Variants in STOX2 observed in about 807,000 individuals in gnomAD.
The protein encoded by STOX2 is storkhead-box protein 2.
In STOX2, 28 loss-of-function variants were observed where a neutral mutation model predicts 60.9. The observed-to-expected ratio is 0.46, with a 90% CI of 0.34 to 0.63. STOX2 has a LOEUF of 0.63. Ranked by LOEUF, STOX2 falls within the 30% of genes least tolerant of loss-of-function variation. The pLI, the probability that STOX2 is intolerant of heterozygous loss-of-function variation, is 0.01. For missense variants in STOX2, 1,024 were observed against 1,187.7 expected, an observed-to-expected ratio of 0.86 and a Z score of 2.03; for synonymous variants, 472 against 463.9, an observed-to-expected ratio of 1.02 and a Z score of -0.22.
At chr4:183,869,356 T>C (rs1323461545) in intron 1 of STOX2, among the ~76,000 whole-genome samples, 4 of 152,166 alleles carry the variant, frequency 2.6e-5, no homozygotes, top group African/African-American at 7.2e-5. Context: ...TGCATATCAA[T>C]TGAGGGGTAG....
chr4:183,840,516 A>T (rs556960250), intron 1 of STOX2, among the ~76,000 whole-genome samples: 11 of 152,314 alleles, frequency 7.2e-5, no homozygotes, highest in Admixed American at 3.9e-4. Context: ...AATGGCAACC[A>T]GAGGTTTTCT....
chr4:183,894,621 A>C (rs1741300646), intron 1 of STOX2, among the ~76,000 whole-genome samples: 1 of 151,172 alleles, frequency 6.6e-6, no homozygotes, highest in African/African-American at 2.4e-5. Context: ...TCCCTTTTTG[A>C]TATATGATTT....
At chr4:183,830,585 G>C (rs753169793) in intron 1 of STOX2, among the ~76,000 whole-genome samples, 1 of 152,188 alleles carries the variant, frequency 6.6e-6, no homozygotes. Context: ...CCCAGGGCTG[G>C]TCTGGCCTGG....
chr4:183,886,324 G>GAGGGTGAAGGTTCAGAT (rs1276420829), intron 1 of STOX2, among the ~76,000 whole-genome samples: 10 of 148,488 alleles, frequency 6.7e-5, no homozygotes, highest in South Asian at 2.2e-4. Flanking sequence ...GCAAGATCAG[G>GAGGGTGAAGGTTCAGAT]GTCACTAGGA....
At chr4:184,006,645 G>A (rs1468992764) in intron 2 of STOX2, among the ~76,000 whole-genome samples, 1 of 126,712 alleles carries the variant, frequency 7.9e-6, no homozygotes, top group Non-Finnish European at 1.6e-5. Context: ...CTGAGATCTT[G>A]TCACTGCACT....
chr4:183,906,734 C>T lies in STOX2; in HGVS notation c.-57C>T. On this transcript the variant is annotated 5_prime_UTR_variant, in exon 1 of 4. Transcript: ENST00000308497. ...CCCGCCGTAGACGGATGAAGGAGCG[C>T]GCTGCGCCCCGGCGCTGAGGCCCCG... 6.9e-7 allele frequency: 1 copy of T among 1,443,196 alleles called. No homozygotes were observed. The highest frequency in any genetic ancestry group is 9.2e-7 in the Non-Finnish European group (1 of 1,089,424). 89.4% of individuals were successfully genotyped at this position (1,443,196 alleles called of 1,614,324 possible). A position where few individuals can be genotyped will look rare whatever the true frequency, so the allele number is the denominator to read the frequency against.
At chr4:183,986,823 T>C (rs965668504) in intron 1 of STOX2, among the ~76,000 whole-genome samples, 3 of 152,174 alleles carry the variant, frequency 2.0e-5, no homozygotes, top group Non-Finnish European at 4.4e-5. Flanking sequence ...GAGGACAGGC[T>C]GAATCACCGG....
chr4:183,800,221 G>A (rs1008992461), intron 1 of STOX2, among the ~76,000 whole-genome samples: 1 of 151,938 alleles, frequency 6.6e-6, no homozygotes, highest in Non-Finnish European at 1.5e-5. Flanking sequence ...ATCTTTTATT[G>A]GGCTTTGCAA....
At chr4:183,798,080 TC>T (rs1428469522) in intron 1 of STOX2, 3 of 1,225,258 alleles carry the variant, frequency 2.4e-6, no homozygotes, top group Non-Finnish European at 1.0e-6. Flanking sequence ...CGCGCGCCCG[TC>T]CCGTCCCTTC....
chr4:183,860,154 AT>A (rs1740398028), intron 1 of STOX2, among the ~76,000 whole-genome samples: 1 of 152,172 alleles, frequency 6.6e-6, no homozygotes, highest in African/African-American at 2.4e-5. Flanking sequence ...ATCAAAGAAA[AT>A]AACTTCTTCC....
chr4:183,951,447 T>C (rs1335002470), intron 1 of STOX2, among the ~76,000 whole-genome samples: 1,403 of 72,992 alleles, frequency 0.019, 15 homozygotes, highest in African/African-American at 0.067. Context: ...TCTCTCTCTT[T>C]TTTTTTTTTT....
chr4:183,933,360 G>A (rs749894754), intron 1 of STOX2, among the ~76,000 whole-genome samples: 8 of 151,604 alleles, frequency 5.3e-5, no homozygotes, highest in East Asian at 1.9e-4. Flanking sequence ...TGCATAAAAA[G>A]CTATACAGTA....
At chr4:183,982,090 A>G (rs1732676044) in intron 1 of STOX2, among the ~76,000 whole-genome samples, 1 of 152,244 alleles carries the variant, frequency 6.6e-6, no homozygotes, top group South Asian at 2.1e-4. Flanking sequence ...TTTTGCTAGT[A>G]AATCTTTGCA....
chr4:183,904,995 C>T (rs895219430), upstream of STOX2, among the ~76,000 whole-genome samples: 16 of 152,170 alleles, frequency 1.1e-4, no homozygotes, highest in African/African-American at 2.4e-5. Context: ...GTTGCATTGT[C>T]ACAGATGAAA....
intron 1 of STOX2, among the ~76,000 whole-genome samples, chr4:183,969,530 A>T (rs1215050225): frequency 4.6e-5 from 7 of 151,966 alleles, no homozygotes; most frequent in Non-Finnish European, 1.0e-4. Flanking sequence ...AGCCTCCCAA[A>T]GCCCTGAGAT....
chr4:183,958,435 C>A (rs1319121555), intron 1 of STOX2, among the ~76,000 whole-genome samples: 1 of 151,970 alleles, frequency 6.6e-6, no homozygotes. Flanking sequence ...CCCATACCAC[C>A]CTCTGTGGTT....
chr4:184,022,842 C>A lies in STOX2; in HGVS notation c.*5558C>A, dbSNP rs1734642090. On this transcript the variant is annotated 3_prime_UTR_variant, in exon 4 of 4. Coordinates refer to ENST00000308497, the MANE Select transcript of STOX2 (RefSeq NM_020225.3). ...CGCCACGGTTTCCACATTGGAAGGG[C>A]AGAACACTGTGCAGTATCGTGCACA... 1 of 152,138 alleles carries A rather than the reference C, an allele frequency of 6.6e-6. No homozygotes were observed. The highest frequency in any genetic ancestry group is 2.4e-5 in the African/African-American group (1 of 41,420). The allele number at this position is 152,138 out of a possible 1,614,324, so 9.4% of individuals were successfully genotyped here.
intron 2 of STOX2, among the ~76,000 whole-genome samples, chr4:184,006,898 C>T (rs1428702816): frequency 6.8e-5 from 10 of 147,858 alleles, no homozygotes; most frequent in East Asian, 5.9e-4. Context: ...CGCCTGTAGT[C>T]CCAGCTACTT....
intron 1 of STOX2, among the ~76,000 whole-genome samples, chr4:183,839,681 A>T (rs1372353383): frequency 6.6e-6 from 1 of 152,150 alleles, no homozygotes; most frequent in Non-Finnish European, 1.5e-5. Flanking sequence ...TGTCCTCTTG[A>T]CTTTGCATTT....
Sources: allele counts gnomAD v4.1 joint callset (sites outside exome capture counted in the v4.1 genomes callset), GRCh38; gene constraint gnomAD v4.1.1; transcripts MANE v1.5; gene names NCBI Gene and HGNC (gene_info 2026-07-23, HGNC 2026-07-21).